SDK1: variants seen among roughly 807,000 people sequenced by gnomAD.
SDK1 encodes protein sidekick-1.
Under a neutral mutation model 245.5 loss-of-function variants are expected in SDK1, and 157 were observed. The observed-to-expected ratio is 0.64, with a 90% CI of 0.56 to 0.73. SDK1 has a LOEUF of 0.73. SDK1 is among the 30% of genes least tolerant of loss of function. The probability of loss-of-function intolerance (pLI) is 0.00; values close to 1 mark genes in which losing one functional copy is unlikely to be tolerated. For synonymous variants in SDK1, 1,647 were observed against 1,278.5 expected (o/e 1.29, Z -6.15); for missense variants, 3,583 against 3,002.3 (o/e 1.19, Z -4.52).
chr7:4,024,749 T>C (rs915826828), intron 17 of SDK1, among the ~76,000 whole-genome samples: 1 of 152,238 alleles, frequency 6.6e-6, no homozygotes, highest in African/African-American at 2.4e-5. Context: ...TGCTGAGAAA[T>C]GCCGGAGCCG....
intron 20 of SDK1, among the ~76,000 whole-genome samples, chr7:4,076,559 G>GGTAC (rs1658497465): frequency 6.6e-6 from 1 of 151,704 alleles, no homozygotes; most frequent in African/African-American, 2.4e-5. Context: ...TAAATAGATA[G>GGTAC]ATACATACAT....
At chr7:4,226,729 C>G (rs955263240) in intron 40 of SDK1, among the ~76,000 whole-genome samples, 1 of 152,200 alleles carries the variant, frequency 6.6e-6, no homozygotes, top group Non-Finnish European at 1.5e-5. Context: ...CTGGAAGGCA[C>G]TGGAAACTAT....
At chr7:3,427,600 C>T (rs1286171916) in intron 1 of SDK1, among the ~76,000 whole-genome samples, 1 of 151,182 alleles carries the variant, frequency 6.6e-6, no homozygotes, top group East Asian at 1.9e-4. Context: ...TTGTCTTCTT[C>T]ATCTTGTCAT....
chr7:3,762,739 AAG>A (rs1562424829), intron 4 of SDK1, among the ~76,000 whole-genome samples: 1 of 152,240 alleles, frequency 6.6e-6, no homozygotes. Flanking sequence ...TAATTAGATG[AAG>A]ACCATGAAGT....
intron 4 of SDK1, among the ~76,000 whole-genome samples, chr7:3,775,669 C>T (rs930818773): frequency 4.0e-5 from 6 of 151,772 alleles, no homozygotes; most frequent in Admixed American, 6.6e-5. Context: ...CTCTGCTTCC[C>T]GGGTTCACGC....
intron 4 of SDK1, among the ~76,000 whole-genome samples, chr7:3,717,849 A>G (rs1321099134): frequency 2.0e-5 from 3 of 152,206 alleles, no homozygotes; most frequent in African/African-American, 7.2e-5. Flanking sequence ...AGAAGAATTT[A>G]AATCAGTTTT....
intron 1 of SDK1, among the ~76,000 whole-genome samples, chr7:3,338,895 G>A (rs1304595671): frequency 6.6e-6 from 1 of 152,176 alleles, no homozygotes; most frequent in African/African-American, 2.4e-5. Context: ...TAATCCACAG[G>A]AAGAAAGGAG....
At chr7:3,952,965 T>A (rs1265925681) in intron 7 of SDK1, among the ~76,000 whole-genome samples, 2 of 152,158 alleles carry the variant, frequency 1.3e-5, no homozygotes, top group South Asian at 2.1e-4. Flanking sequence ...GTGGCCGTGA[T>A]GACTATGAGA....
chr7:3,894,864 G>A (rs1781559822), intron 5 of SDK1, among the ~76,000 whole-genome samples: 1 of 151,312 alleles, frequency 6.6e-6, no homozygotes, highest in Non-Finnish European at 1.5e-5. Flanking sequence ...CTAATTTTTT[G>A]TGTCTTTTAG....
intron 1 of SDK1, among the ~76,000 whole-genome samples, chr7:3,601,696 C>CT (rs1781259064): frequency 6.6e-6 from 1 of 151,356 alleles, no homozygotes. Flanking sequence ...TATTATTATA[C>CT]TTTAAGTTTT....
At position 4,178,632 on chromosome 7, in the gene SDK1, T is replaced by G. The variant is rs774863642; in HGVS notation, c.5098+46T>G. The G allele has an allele frequency of 1.5e-5, 21 of 1,399,586 alleles. No homozygotes were observed. In the African/African-American group the frequency reaches 2.8e-4, roughly 19 times the overall value. 86.7% of individuals were successfully genotyped at this position (1,399,586 alleles called of 1,614,324 possible). On this transcript the variant is annotated intron_variant, in intron 35 of 44. Transcript: ENST00000404826. ...ACCCCACTGCCAGAGAGGGCCACAG[T>G]GGTGGGGACAGCCAGGCACGCTGCG...
chr7:3,532,791 C>T (rs1783393253), intron 1 of SDK1, among the ~76,000 whole-genome samples: 1 of 152,170 alleles, frequency 6.6e-6, no homozygotes, highest in Admixed American at 6.5e-5. Context: ...GTCTAGTTTA[C>T]AGCCTATGCA....
intron 4 of SDK1, among the ~76,000 whole-genome samples, chr7:3,808,555 G>C (rs1018753821): frequency 2.6e-5 from 4 of 152,176 alleles, no homozygotes; most frequent in Admixed American, 6.5e-5. Context: ...AGGCAGAAGA[G>C]ACATGTGTGT....
intron 1 of SDK1, among the ~76,000 whole-genome samples, chr7:3,441,575 C>G (rs768370570): frequency 5.3e-5 from 8 of 152,104 alleles, no homozygotes; most frequent in Non-Finnish European, 1.2e-4. Flanking sequence ...ACATTTGTGT[C>G]TCTTTGCAAC....
chr7:3,701,580 T>C (rs1309962150), intron 4 of SDK1, among the ~76,000 whole-genome samples: 1 of 152,026 alleles, frequency 6.6e-6, no homozygotes, highest in Non-Finnish European at 1.5e-5. Context: ...GCTTGGGTGA[T>C]AGAGCGAGAC....
At position 3,594,083 on chromosome 7, in the gene SDK1, A is replaced by C. The variant is rs144104258; in HGVS notation, c.299-24997A>C. 3.0e-3 allele frequency among the ~76,000 whole-genome samples: 450 copies of C among 152,268 alleles called. 2 individuals are homozygous for C. Among genetic ancestry groups the C allele is most frequent in the African/African-American group, 0.01 (430 of 41,558 alleles). ...CATCCCCAAAAGAAACCATGTACCT[A>C]CTAGGAGTCACTCTCTATCTCCTCC... On this transcript the variant is annotated intron_variant, in intron 1 of 44. Coordinates refer to ENST00000404826, the MANE Select transcript of SDK1 (RefSeq NM_152744.4).
chr7:3,468,031 T>C (rs1192514433), intron 1 of SDK1, among the ~76,000 whole-genome samples: 2 of 152,126 alleles, frequency 1.3e-5, no homozygotes, highest in African/African-American at 4.8e-5. Flanking sequence ...TATAATGTAA[T>C]CTATGCAAGA....
chr7:3,763,438 A>G lies in SDK1; in HGVS notation c.714-58012A>G, dbSNP rs142504600. On this transcript the variant is annotated intron_variant, in intron 4 of 44. Transcript: ENST00000404826. ...TAGATTCTGCAACGAACATTTTGCT[A>G]TATTTACTTCATCGCATCTATACAT... Among the ~76,000 whole-genome samples the G allele has an allele frequency of 1.7e-4, 26 of 152,304 alleles. No homozygotes were observed. The East Asian group carries it at 4.1e-3, about 24-fold the overall frequency.
intron 4 of SDK1, among the ~76,000 whole-genome samples, chr7:3,809,514 GAA>G (rs1779333185): frequency 6.6e-6 from 1 of 152,152 alleles, no homozygotes; most frequent in African/African-American, 2.4e-5. Flanking sequence ...CTCGGCAATC[GAA>G]AAGAGTCTTA....
Sources: allele counts gnomAD v4.1 joint callset (sites outside exome capture counted in the v4.1 genomes callset), GRCh38; gene constraint gnomAD v4.1.1; transcripts MANE v1.5; gene names NCBI Gene and HGNC (gene_info 2026-07-23, HGNC 2026-07-21).